Variants in CACNA1B observed in about 807,000 individuals in gnomAD.
CACNA1B encodes the protein voltage-dependent N-type calcium channel subunit alpha-1B.
A neutral mutation model predicts 247.2 loss-of-function variants in CACNA1B; 70 were observed. The observed-to-expected ratio is 0.28, with a 90% CI of 0.23 to 0.35. CACNA1B has a LOEUF of 0.35. Ranked by LOEUF, CACNA1B falls within the 10% of genes least tolerant of loss-of-function variation. The pLI is 1.00. For missense variants in CACNA1B, 2,367 were observed against 3,197.4 expected, an observed-to-expected ratio of 0.74 and a Z score of 6.26; for synonymous variants, 1,231 against 1,294.4, an observed-to-expected ratio of 0.95 and a Z score of 1.05.
At chr9:138,107,557 C>T (rs1961474118) in intron 39 of CACNA1B, among the ~76,000 whole-genome samples, 1 of 152,032 alleles carries the variant, frequency 6.6e-6, no homozygotes, top group South Asian at 2.1e-4. Flanking sequence ...CAAAATGTGG[C>T]CACTCCTCTC....
chr9:138,064,802 T>C lies in CACNA1B; in HGVS notation c.4669-4956T>C, dbSNP rs554216112. Among the ~76,000 whole-genome samples, 4 of 152,354 alleles carry C rather than the reference T, an allele frequency of 2.6e-5. No homozygotes were observed. The East Asian group carries it at 7.7e-4, about 29-fold the overall frequency. On this transcript the variant is annotated intron_variant, in intron 31 of 46. Transcript: ENST00000371372. ...TCTGCAGCTCCAGAGCCTTCTCTTC[T>C]TCCCAAAGGAATCCCTGCTCCATGA... is the stretch of plus-strand genomic sequence containing the variant.
At position 138,011,313 on chromosome 9, in the gene CACNA1B, A is replaced by G. The variant is rs1958721396; in HGVS notation, c.2160+1236A>G. On this transcript the variant is annotated intron_variant, in intron 17 of 46. Transcript: ENST00000371372. This position sits in a 1 kb window ranked among gnomAD's most constrained non-coding sequence, Gnocchi z 4.2. ...TTCTGTCATGAAGGAAGATGCATGG[A>G]GGAAGCCATGTCCTTGGGGCCCTGT... Among the ~76,000 whole-genome samples, 1 of 152,112 alleles carries G rather than the reference A, an allele frequency of 6.6e-6. No homozygotes were observed. The highest frequency in any genetic ancestry group is 2.4e-5 in the African/African-American group (1 of 41,440).
intron 3 of CACNA1B, among the ~76,000 whole-genome samples, chr9:137,886,687 G>C (rs1957018177): frequency 6.6e-6 from 1 of 151,314 alleles, no homozygotes; most frequent in South Asian, 2.1e-4. Flanking sequence ...TCGGCGGGTG[G>C]ACGGATGACC....
chr9:138,068,790 C>A (rs1467646247), intron 31 of CACNA1B, among the ~76,000 whole-genome samples: 1 of 152,146 alleles, frequency 6.6e-6, no homozygotes, highest in Non-Finnish European at 1.5e-5. Context: ...CAGAGATGTG[C>A]AGAGAGCCCC....
intron 3 of CACNA1B, among the ~76,000 whole-genome samples, chr9:137,889,473 T>C: frequency 6.8e-6 from 1 of 146,450 alleles, no homozygotes; most frequent in Non-Finnish European, 1.5e-5. Flanking sequence ...GCCCCCGTGT[T>C]CTGGGGCTGG....
intron 15 of CACNA1B, among the ~76,000 whole-genome samples, chr9:138,003,994 G>A (rs563249997): frequency 8.5e-5 from 13 of 152,214 alleles, no homozygotes; most frequent in African/African-American, 2.6e-4. Flanking sequence ...TGGGTGGTGT[G>A]AGGATGTGAT....
At position 138,069,750 on chromosome 9, in the gene CACNA1B, A is replaced by C. The variant is rs750518027; in HGVS notation, c.4669-8A>C. The C allele has an allele frequency of 6.8e-6, 11 of 1,607,522 alleles. No individual in the cohort carries two copies. In the Admixed American group the frequency reaches 1.0e-4, roughly 15 times the overall value. On this transcript the variant is annotated splice_polypyrimidine_tract_variant and splice_region_variant and intron_variant, in intron 31 of 46. Transcript: ENST00000371372. Reference sequence around the variant, plus strand: ...GCAAATATCCATCCATGAAAACATCACATGTAGGAAACGGTTGGTTTCACG... The same window carrying C: ...GCAAATATCCATCCATGAAAACATCCCATGTAGGAAACGGTTGGTTTCACG...
Position 137,891,070 on chromosome 9 carries a change from G to A in CACNA1B, c.530+8187G>A, listed in dbSNP as rs1957092388. 1 of 152,282 alleles carries A rather than the reference G, an allele frequency of 6.6e-6. No homozygotes were observed. Among genetic ancestry groups the A allele is most frequent in the East Asian group, 1.9e-4 (1 of 5,196 alleles). The allele number at this position is 152,282 out of a possible 1,614,324, so 9.4% of individuals were successfully genotyped here. ...GGCACACGCCCACTCCTGGGACCAT[G>A]GCTGGCCTGTGCGTGGCCAGGCAGG... On this transcript the variant is annotated intron_variant, in intron 3 of 46. Transcript: ENST00000371372. This position sits in a 1 kb window ranked among gnomAD's most constrained non-coding sequence, Gnocchi z 4.3.
At chr9:138,028,688 A>G (rs962547952) in intron 20 of CACNA1B, among the ~76,000 whole-genome samples, 1 of 152,206 alleles carries the variant, frequency 6.6e-6, no homozygotes, top group African/African-American at 2.4e-5. Flanking sequence ...TCCAGAGGAG[A>G]AAGAGAAGTT....
chr9:138,059,382 G>T lies in CACNA1B; in HGVS notation c.4584+193G>T, dbSNP rs546187761. Among the ~76,000 whole-genome samples, 3 of 152,252 alleles carry T rather than the reference G, an allele frequency of 2.0e-5. No individual in the cohort carries two copies. The South Asian group carries it at 6.2e-4, about 32-fold the overall frequency. On this transcript the variant is annotated intron_variant, in intron 30 of 46. Transcript: ENST00000371372. The surrounding 1 kb of genome is among the most constrained non-coding windows in gnomAD (Gnocchi z 4.2). ...CTACATAAGCTCTGCCCCCAGCCTA[G>T]GTCCTGGGAGGGAGGCAGGGCTGGG...
chr9:137,986,953 C>A lies in CACNA1B; in HGVS notation c.1974+99C>A. The A allele has an allele frequency of 1.1e-6, 1 of 900,290 alleles. No homozygotes were observed. Among genetic ancestry groups the A allele is most frequent in the Non-Finnish European group, 1.9e-6 (1 of 537,580 alleles). The allele number at this position is 900,290 out of a possible 1,614,324, so 55.8% of individuals were successfully genotyped here. On this transcript the variant is annotated intron_variant, in intron 15 of 46. Transcript: ENST00000371372. The surrounding 1 kb of genome is among the most constrained non-coding windows in gnomAD (Gnocchi z 6.0). The stretch of plus-strand genomic sequence containing the variant: ...CCTGTCATTCCCTCCCTTGTTCCTC[C>A]ACACGGCCCAGATCACTGACTTTTC...
At chr9:138,048,076 T>C (rs1488931824) in intron 23 of CACNA1B, among the ~76,000 whole-genome samples, 1 of 152,186 alleles carries the variant, frequency 6.6e-6, no homozygotes, top group Non-Finnish European at 1.5e-5. Context: ...TGAGCCGGCA[T>C]GCGTGCACAC....
chr9:137,917,508 G>T lies in CACNA1B; in HGVS notation c.966+77G>T. 3 of 1,332,754 alleles carry T rather than the reference G, an allele frequency of 2.3e-6. No individual in the cohort carries two copies. Among genetic ancestry groups the T allele is most frequent in the Non-Finnish European group, 3.2e-6 (3 of 951,096 alleles). 82.6% of individuals were successfully genotyped at this position (1,332,754 alleles called of 1,614,324 possible). On this transcript the variant is annotated intron_variant, in intron 6 of 46. Coordinates refer to ENST00000371372, the MANE Select transcript of CACNA1B (RefSeq NM_000718.4). This position sits in a 1 kb window ranked among gnomAD's most constrained non-coding sequence, Gnocchi z 5.5. ...CTGGTGCCTCTGGGGGTCCATTTAGGGGGGCCCTTCTGACCTCAGAGCCTC... is the reference window on the plus strand; with the variant it reads ...CTGGTGCCTCTGGGGGTCCATTTAGTGGGGCCCTTCTGACCTCAGAGCCTC...
chr9:137,911,439 G>A (rs555884242), intron 3 of CACNA1B, among the ~76,000 whole-genome samples: 9 of 151,834 alleles, frequency 5.9e-5, no homozygotes, highest in Admixed American at 5.2e-4. Flanking sequence ...TATTCGAGTC[G>A]GAGTCTCGCT....
intron 6 of CACNA1B, among the ~76,000 whole-genome samples, chr9:137,939,793 A>T (rs1410146283): frequency 6.7e-6 from 1 of 149,184 alleles, no homozygotes; most frequent in East Asian, 2.0e-4. Context: ...ACTGAGCAAG[A>T]CTCCGTCTCA....
At chr9:137,939,331 A>G (rs1390918706) in intron 6 of CACNA1B, among the ~76,000 whole-genome samples, 1 of 152,204 alleles carries the variant, frequency 6.6e-6, no homozygotes, top group African/African-American at 2.4e-5. Context: ...ATGAGCCTCA[A>G]TAAATTTAAG....
At chr9:137,896,265 G>T (rs569096025) in intron 3 of CACNA1B, among the ~76,000 whole-genome samples, 2 of 149,808 alleles carry the variant, frequency 1.3e-5, no homozygotes, top group East Asian at 3.9e-4. Context: ...AAAAAAGTTA[G>T]CTGTAGGGTT....
intron 21 of CACNA1B, among the ~76,000 whole-genome samples, chr9:138,044,926 G>A (rs1028370283): frequency 4.6e-5 from 7 of 152,248 alleles, no homozygotes. Context: ...GACAGACGTG[G>A]ACCCTGCCAT....
intron 36 of CACNA1B, among the ~76,000 whole-genome samples, chr9:138,088,959 C>CAAAAAAAAAA (rs56112600): frequency 2.4e-4 from 15 of 61,424 alleles, no homozygotes; most frequent in Non-Finnish European, 4.1e-4. Flanking sequence ...AACTCCGTCT[C>CAAAAAAAAAA]AAAAAAAAAA....
Sources: allele counts gnomAD v4.1 joint callset (sites outside exome capture counted in the v4.1 genomes callset), GRCh38; gene constraint gnomAD v4.1.1; non-coding constraint Gnocchi (gnomAD v3.1); transcripts MANE v1.5; gene names NCBI Gene and HGNC (gene_info 2026-07-23, HGNC 2026-07-21).